Variants in LMNTD1 observed in about 807,000 individuals in gnomAD.
LMNTD1 encodes the protein lamin tail domain containing 1.
A neutral mutation model predicts 50.9 loss-of-function variants in LMNTD1; 35 were observed. That is an observed-to-expected ratio of 0.69 (90% CI 0.53 to 0.91). The LOEUF (loss-of-function observed/expected upper bound fraction) is 0.91. Among genes scored for constraint, LMNTD1 ranks in the 40% least tolerant of loss-of-function variants. The probability of loss-of-function intolerance (pLI) is 0.00; values close to 1 mark genes in which losing one functional copy is unlikely to be tolerated. For synonymous variants in LMNTD1, 153 were observed against 161.9 expected, an observed-to-expected ratio of 0.94 and a Z score of 0.42; for missense variants, 470 against 475.5, an observed-to-expected ratio of 0.99 and a Z score of 0.11.
chr12:25,550,709 A>G (rs1007202953), intron 2 of LMNTD1, among the ~76,000 whole-genome samples: 2 of 152,128 alleles, frequency 1.3e-5, no homozygotes, highest in African/African-American at 4.8e-5. Context: ...GTCACCCTCA[A>G]TATCTCTGTT....
At position 25,549,471 on chromosome 12, in the gene LMNTD1, C is replaced by T; in HGVS notation, c.165G>A (p.Leu55=). The T allele has an allele frequency of 1.2e-6, 2 of 1,613,222 alleles. No homozygotes were observed. The highest frequency in any genetic ancestry group is 1.7e-6 in the Non-Finnish European group (2 of 1,179,406). The part of the protein sequence containing the change: ...PKMLGSVATT[L]PLSSSNSSGM... ...CACTGGAATTTGAAGATGACAATGG[C>T]AGTGTTGTGGCAACTGAACCCAACA... The change falls in exon 3 of 10, where the codon CTG becomes CTA. Residue 55 remains leucine (L), a synonymous_variant. Coordinates refer to ENST00000458174, the MANE Select transcript of LMNTD1 (RefSeq NM_001145728.2).
intron 1 of LMNTD1, among the ~76,000 whole-genome samples, chr12:25,590,736 A>C (rs1208926961): frequency 6.6e-6 from 1 of 152,162 alleles, no homozygotes; most frequent in Non-Finnish European, 1.5e-5. Context: ...TGTGATAGGC[A>C]GCTCAGCCCA....
At position 25,559,419 on chromosome 12, in the gene LMNTD1, A is replaced by C. The variant is rs148125364; in HGVS notation, c.59-12865T>G. Among the ~76,000 whole-genome samples, 1,062 of 152,180 alleles carry C rather than the reference A, an allele frequency of 7.0e-3. 11 individuals carry two copies. The highest frequency in any genetic ancestry group is 0.025 in the African/African-American group (1,026 of 41,516). On this transcript the variant is annotated intron_variant, in intron 1 of 7. Coordinates refer to the LMNTD1 transcript ENST00000445693. Reference sequence around the variant, plus strand: ...CATAGTATTCCATGGTGTATATGTGACACATTTTCTTAATCCAGTCTATCA... The same window carrying C: ...CATAGTATTCCATGGTGTATATGTGCCACATTTTCTTAATCCAGTCTATCA...
chr12:25,553,137 C>A lies in LMNTD1; in HGVS notation c.-99G>T. On this transcript the variant is annotated 5_prime_UTR_variant, in exon 1 of 10. Transcript: ENST00000458174. Reference sequence around the variant, plus strand: ...TTCTTTACCAAACTAGTACCAGAACCACAATTCTCATGAGGATATGTAAGT... The same window carrying A: ...TTCTTTACCAAACTAGTACCAGAACAACAATTCTCATGAGGATATGTAAGT... 3.1e-6 allele frequency: 5 copies of A among 1,611,268 alleles called. No individual in the cohort carries two copies. The highest frequency in any genetic ancestry group is 4.2e-6 in the Non-Finnish European group (5 of 1,179,592).
At chr12:25,487,254 A>C (rs1011068278) in intron 9 of LMNTD1, among the ~76,000 whole-genome samples, 7 of 114,626 alleles carry the variant, frequency 6.1e-5, no homozygotes, top group Non-Finnish European at 8.9e-5. Flanking sequence ...TCCCATTATT[A>C]ATGTGTGGGA....
At chr12:25,572,830 C>T (rs964686631) in intron 1 of LMNTD1, among the ~76,000 whole-genome samples, 21 of 140,400 alleles carry the variant, frequency 1.5e-4, no homozygotes, top group Middle Eastern at 7.0e-3. Context: ...CTTCCTTCTG[C>T]CAGATAACTT....
chr12:25,609,403 C>G (rs1344998494), intron 1 of LMNTD1, among the ~76,000 whole-genome samples: 1 of 152,132 alleles, frequency 6.6e-6, no homozygotes, highest in African/African-American at 2.4e-5. Flanking sequence ...AAGAGGTGCT[C>G]TGGTTTTTAG....
At chr12:25,606,815 A>C (rs1404133844) in intron 1 of LMNTD1, among the ~76,000 whole-genome samples, 2 of 152,120 alleles carry the variant, frequency 1.3e-5, no homozygotes, top group Non-Finnish European at 2.9e-5. Context: ...TGTCTCTGCC[A>C]GGCTTTGGTA....
intron 9 of LMNTD1, among the ~76,000 whole-genome samples, chr12:25,494,229 C>A (rs1269254789): frequency 6.6e-6 from 1 of 152,190 alleles, no homozygotes; most frequent in Admixed American, 6.5e-5. Flanking sequence ...AGTTTTATTA[C>A]TGACCTTTGC....
chr12:25,496,927 A>AT lies in LMNTD1; in HGVS notation c.*22+6810dup, dbSNP rs556279013. Among the ~76,000 whole-genome samples the AT allele has an allele frequency of 3.1e-3, 468 of 151,980 alleles. 8 individuals carry two copies. Among genetic ancestry groups the AT allele is most frequent in the East Asian group, 0.026 (133 of 5,174 alleles). On this transcript the variant is annotated intron_variant, in intron 9 of 9. Transcript: ENST00000458174. ...TCTGTTATACTTTCCATCTCTATAC[A>AT]TTTTTTATTCAGATAAGTGAAATTA...
At chr12:25,482,531 T>C (rs1938478139) in intron 9 of LMNTD1, among the ~76,000 whole-genome samples, 2 of 152,038 alleles carry the variant, frequency 1.3e-5, no homozygotes, top group African/African-American at 4.8e-5. Context: ...CTCTTTTCCT[T>C]TGAACAAAAT....
intron 1 of LMNTD1, among the ~76,000 whole-genome samples, chr12:25,581,190 GA>G (rs34368060): frequency 0.12 from 18,221 of 152,178 alleles, 1,430 homozygotes; most frequent in East Asian, 0.33. Context: ...GTGCTGCTGA[GA>G]AATGGTCATA....
At chr12:25,646,892 C>G (rs1476804589) in intron 1 of LMNTD1, among the ~76,000 whole-genome samples, 1 of 152,082 alleles carries the variant, frequency 6.6e-6, no homozygotes, top group African/African-American at 2.4e-5. Context: ...CTTTGAAATT[C>G]AAATAATATG....
At chr12:25,590,046 A>G (rs1286877322) in intron 1 of LMNTD1, among the ~76,000 whole-genome samples, 2 of 152,146 alleles carry the variant, frequency 1.3e-5, no homozygotes, top group Non-Finnish European at 2.9e-5. Flanking sequence ...CAGTTTAACA[A>G]CTATCTACAT....
At chr12:25,545,663 T>G (rs1190265275) in intron 4 of LMNTD1, among the ~76,000 whole-genome samples, 1 of 151,662 alleles carries the variant, frequency 6.6e-6, no homozygotes, top group Non-Finnish European at 1.5e-5. Flanking sequence ...TGATGAGGTG[T>G]TTTTAGACAG....
At chr12:25,640,683 C>T (rs776093264) in intron 1 of LMNTD1, among the ~76,000 whole-genome samples, 8 of 149,912 alleles carry the variant, frequency 5.3e-5, no homozygotes, top group East Asian at 2.0e-4. Flanking sequence ...TTTTTTGAGA[C>T]GGAGTCTCGC....
At chr12:25,571,040 TCAG>T (rs1349177990) in intron 1 of LMNTD1, among the ~76,000 whole-genome samples, 1 of 152,216 alleles carries the variant, frequency 6.6e-6, no homozygotes, top group Non-Finnish European at 1.5e-5. Flanking sequence ...GGCTCAGTGC[TCAG>T]CAGAGCCCCA....
intron 8 of LMNTD1, among the ~76,000 whole-genome samples, chr12:25,514,274 C>G (rs11048085): frequency 0.18 from 27,460 of 152,030 alleles, 2,647 homozygotes; most frequent in Middle Eastern, 0.24. Context: ...GATGGACACA[C>G]TCTCTGGTGT....
rs917542667 is a variant in LMNTD1, at chr12:25,525,460, G to A, written c.798+639C>T. 2.6e-5 allele frequency among the ~76,000 whole-genome samples: 4 copies of A among 152,212 alleles called. No individual in the cohort carries two copies. The East Asian group carries it at 7.7e-4, about 29-fold the overall frequency. The stretch of plus-strand genomic sequence containing the variant: ...ATATTTGAGAAATGAAAAAATAAAT[G>A]GAAAAGACCTGTATGGAGTACCTTC... On this transcript the variant is annotated intron_variant, in intron 6 of 9. Transcript: ENST00000458174.
Sources: allele counts gnomAD v4.1 joint callset (sites outside exome capture counted in the v4.1 genomes callset), GRCh38; gene constraint gnomAD v4.1.1; transcripts MANE v1.5; gene names NCBI Gene and HGNC (gene_info 2026-07-23, HGNC 2026-07-21).